The following COPE variants were observed in gnomAD, a reference collection of about 807,000 sequenced individuals.
COPE encodes coat protein complex I subunit epsilon, also known as coatomer subunit epsilon.
A neutral mutation model predicts 42.1 loss-of-function variants in COPE; 19 were observed. That is an observed-to-expected ratio of 0.45 (90% CI 0.31 to 0.66). The LOEUF is 0.66. Ranked by LOEUF, COPE falls within the 30% of genes least tolerant of loss-of-function variation. The pLI is 0.05. For synonymous variants in COPE, 195 were observed against 181.3 expected (o/e 1.08, Z -0.60); for missense variants, 402 against 416.1 (o/e 0.97, Z 0.30).
chr19:18,912,926 C>A (rs2056823335), intron 2 of COPE, 58 bp downstream of exon 2: 2 of 1,570,880 alleles, frequency 1.3e-6, no homozygotes, highest in African/African-American at 2.7e-5. Flanking sequence ...CTTCCTGTCC[C>A]CAGCCCCACC....
intron 1 of COPE, among the ~76,000 whole-genome samples, chr19:18,914,820 T>C (rs1445804648): frequency 2.0e-5 from 3 of 148,296 alleles, no homozygotes; most frequent in African/African-American, 5.0e-5. Flanking sequence ...CAGTGGCGTG[T>C]ATCTCGGCTC....
Position 18,919,208 on chromosome 19 carries a change from C to T in COPE, c.126+15G>A. 6.2e-7 allele frequency: 1 copy of T among 1,604,816 alleles called. No individual in the cohort carries two copies. The highest frequency in any genetic ancestry group is 1.1e-5 in the South Asian group (1 of 90,352). ...CCTCCGCCCCCAGCGTCCCCGCGCC[C>T]CTGCGCGGCCGCACCTTCACCCGCT... On this transcript the variant is annotated intron_variant, in intron 1 of 9. Coordinates refer to ENST00000262812, the MANE Select transcript of COPE (RefSeq NM_007263.4).
At chr19:18,900,924 G>C (rs959788988) in intron 7 of COPE, among the ~76,000 whole-genome samples, 2 of 152,198 alleles carry the variant, frequency 1.3e-5, no homozygotes, top group Non-Finnish European at 2.9e-5. Flanking sequence ...AGGAGACCCA[G>C]CCAGAGCCCT....
chr19:18,918,367 C>T (rs987070174), intron 1 of COPE, among the ~76,000 whole-genome samples: 1 of 152,138 alleles, frequency 6.6e-6, no homozygotes, highest in Admixed American at 6.6e-5. Context: ...GTTACTCTGA[C>T]CCAACTCCGC....
chr19:18,916,856 G>A (rs751851024), intron 1 of COPE, among the ~76,000 whole-genome samples: 9 of 150,722 alleles, frequency 6.0e-5, no homozygotes, highest in African/African-American at 9.8e-5. Flanking sequence ...AGCCACTTGG[G>A]AGGCTGAGGC....
chr19:18,904,673 C>T, intron 6 of COPE, 98 bp downstream of exon 6: 5 of 1,061,274 alleles, frequency 4.7e-6, no homozygotes, highest in East Asian at 2.6e-5. Flanking sequence ...TGGAGCCCCA[C>T]TGGAGTGGCC....
chr19:18,908,408 CAGAG>C (rs1427987174), intron 3 of COPE, among the ~76,000 whole-genome samples: 2 of 151,924 alleles, frequency 1.3e-5, no homozygotes, highest in African/African-American at 4.8e-5. Context: ...GCCTGGGTGA[CAGAG>C]GGAGACCATC....
intron 2 of COPE, 85 bp from the exon 3 acceptor site, chr19:18,911,156 G>A (rs2056806549): frequency 1.6e-6 from 2 of 1,246,830 alleles, no homozygotes; most frequent in Non-Finnish European, 1.2e-6. Flanking sequence ...GCCCCAGACA[G>A]GAAGTCCCTG....
At chr19:18,903,161 C>A (rs1304267890) in intron 7 of COPE, 107 bp downstream of exon 7, 5 of 1,220,350 alleles carry the variant, frequency 4.1e-6, no homozygotes, top group Non-Finnish European at 5.4e-6. Context: ...TGGGGCCACA[C>A]GCACACCCAG....
intron 8 of COPE, 81 bp from the exon 9 acceptor site, chr19:18,900,028 G>C (rs1323317322): frequency 7.9e-7 from 1 of 1,273,822 alleles, no homozygotes; most frequent in Admixed American, 2.0e-5. Context: ...GGGTGGATTG[G>C]GGTGAGAGCC....
chr19:18,900,252 G>A (rs2056684892), intron 8 of COPE, 129 bp downstream of exon 8: 1 of 761,010 alleles, frequency 1.3e-6, no homozygotes, highest in Non-Finnish European at 2.1e-6. Flanking sequence ...GTTTGTGAGG[G>A]AGGTGGGCTG....
intron 3 of COPE, among the ~76,000 whole-genome samples, chr19:18,909,519 CTT>C (rs59105113): frequency 0.013 from 1,697 of 133,768 alleles, 32 homozygotes; most frequent in African/African-American, 0.041. Flanking sequence ...GGCCTCTTTC[CTT>C]TTTTTTTTTT....
At chr19:18,903,756 G>A (rs187224907) in intron 6 of COPE, among the ~76,000 whole-genome samples, 14 of 152,340 alleles carry the variant, frequency 9.2e-5, no homozygotes, top group African/African-American at 3.1e-4. Context: ...GCACGTCAGA[G>A]GAGGAGGAGT....
intron 7 of COPE, among the ~76,000 whole-genome samples, chr19:18,902,770 AAAGAAGGAAGG>A (rs1568314827): frequency 5.1e-5 from 2 of 39,316 alleles, no homozygotes; most frequent in African/African-American, 4.5e-4. Context: ...GAAGGAAGGG[AAAGAAGGAAGG>A]AAGGAAGGAA....
At chr19:18,903,630 C>T (rs1480975587) in intron 6 of COPE, among the ~76,000 whole-genome samples, 1 of 152,246 alleles carries the variant, frequency 6.6e-6, no homozygotes, top group Non-Finnish European at 1.5e-5. Context: ...CCTCCTGCCC[C>T]ACCTCCCACC....
chr19:18,904,732 T>C, intron 6 of COPE, 39 bp downstream of exon 6: 2 of 1,533,566 alleles, frequency 1.3e-6, no homozygotes, highest in Non-Finnish European at 1.8e-6. Flanking sequence ...CTCAGCCAGG[T>C]GCCCGCAATG....
chr19:18,911,144 G>A (rs1223614166), intron 2 of COPE, 73 bp from the exon 3 acceptor site: 7 of 1,405,272 alleles, frequency 5.0e-6, no homozygotes, highest in Non-Finnish European at 7.1e-6. Flanking sequence ...TTGGCAGGGA[G>A]AGCCCCAGAC....
At chr19:18,901,402 C>T (rs1479721787) in intron 7 of COPE, among the ~76,000 whole-genome samples, 2 of 152,168 alleles carry the variant, frequency 1.3e-5, no homozygotes, top group Non-Finnish European at 2.9e-5. Context: ...CCTGGGGCAG[C>T]GAGGGACACA....
intron 2 of COPE, 74 bp downstream of exon 2, chr19:18,912,910 T>A: frequency 4.7e-6 from 7 of 1,477,186 alleles, no homozygotes; most frequent in Non-Finnish European, 6.6e-6. Context: ...ACCCACTCTG[T>A]GGTGCCTTCC....
Sources: gnomAD v4.1 joint callset for allele counts (sites outside exome capture counted in the v4.1 genomes callset) on GRCh38, gnomAD v4.1.1 for gene constraint, MANE v1.5 for transcripts, NCBI Gene and HGNC (gene_info 2026-07-23, HGNC 2026-07-21) for gene names.